MCOLN2: variants seen among roughly 807,000 people sequenced by gnomAD.
MCOLN2 encodes mucolipin-2.
MCOLN2 carries 57 observed loss-of-function variants against 67.5 expected under a neutral mutation model. That is an observed-to-expected ratio of 0.84 (90% CI 0.68 to 1.05). MCOLN2 has a LOEUF of 1.05. MCOLN2 is among the 50% of genes least tolerant of loss of function. The pLI, the probability that MCOLN2 is intolerant of heterozygous loss-of-function variation, is 0.00. For synonymous variants in MCOLN2, 246 were observed against 233.3 expected (o/e 1.05, Z -0.50); for missense variants, 620 against 678.8 (o/e 0.91, Z 0.96).
At chr1:84,934,760 G>A (rs915075181) in intron 11 of MCOLN2, among the ~76,000 whole-genome samples, 11 of 152,232 alleles carry the variant, frequency 7.2e-5, no homozygotes, top group Non-Finnish European at 1.3e-4. Flanking sequence ...AGGTCTGGAA[G>A]AACATCAACA....
chr1:84,989,690 A>G lies in MCOLN2; in HGVS notation c.77+7106T>C, dbSNP rs1371142. On this transcript the variant is annotated intron_variant, in intron 1 of 13. Transcript: ENST00000370608. ...GTAAAAATGACTGAAAGATCTTAAC[A>G]TAAAAATTTAAGACTTCAAAAAGTT... 8.5e-5 allele frequency among the ~76,000 whole-genome samples: 13 copies of G among 152,124 alleles called. No homozygotes were observed. The South Asian group carries it at 2.7e-3, about 32-fold the overall frequency.
At chr1:84,975,717 G>A (rs765537466) in intron 1 of MCOLN2, among the ~76,000 whole-genome samples, 8 of 152,110 alleles carry the variant, frequency 5.3e-5, no homozygotes, top group Non-Finnish European at 1.2e-4. Flanking sequence ...TGGAGAAACA[G>A]AGACAGGTGA....
chr1:84,982,311 T>TA (rs1413706345), intron 1 of MCOLN2, among the ~76,000 whole-genome samples: 3 of 152,062 alleles, frequency 2.0e-5, no homozygotes, highest in Non-Finnish European at 4.4e-5. Flanking sequence ...TTTTTTAAAA[T>TA]AAAAAAATAG....
intron 1 of MCOLN2, among the ~76,000 whole-genome samples, chr1:84,973,927 C>A (rs1312814619): frequency 1.3e-5 from 2 of 152,210 alleles, no homozygotes; most frequent in East Asian, 3.9e-4. Flanking sequence ...AGCACTGATA[C>A]CACCCTTCCC....
intron 1 of MCOLN2, among the ~76,000 whole-genome samples, chr1:84,982,378 C>T (rs973115062): frequency 1.3e-4 from 20 of 152,278 alleles, no homozygotes; most frequent in African/African-American, 4.3e-4. Context: ...CTCAAGCAAG[C>T]CTCCGGCCTT....
intron 12 of MCOLN2, chr1:84,929,909 G>C: frequency 3.2e-6 from 1 of 308,928 alleles, no homozygotes; most frequent in Non-Finnish European, 5.9e-6. Context: ...AGAAAGCAGA[G>C]AAGAGCCAGG....
intron 7 of MCOLN2, among the ~76,000 whole-genome samples, chr1:84,941,419 G>C (rs537354604): frequency 6.6e-6 from 1 of 152,142 alleles, no homozygotes; most frequent in African/African-American, 2.4e-5. Context: ...ATGGCATGAA[G>C]CCGGGAGGCA....
chr1:84,939,520 G>T, intron 9 of MCOLN2, 33 bp downstream of exon 9: 1 of 1,607,368 alleles, frequency 6.2e-7, no homozygotes, highest in Non-Finnish European at 8.5e-7. Flanking sequence ...AGGAGAAGAT[G>T]AAGAACAGAG....
intron 3 of MCOLN2, among the ~76,000 whole-genome samples, chr1:84,957,364 T>C (rs1356862660): frequency 6.6e-6 from 1 of 152,206 alleles, no homozygotes; most frequent in Non-Finnish European, 1.5e-5. Flanking sequence ...TCTGCACTAA[T>C]AGGGCTTTAC....
intron 1 of MCOLN2, among the ~76,000 whole-genome samples, chr1:84,980,129 C>T (rs1159938921): frequency 5.3e-5 from 8 of 151,994 alleles, no homozygotes; most frequent in Non-Finnish European, 1.0e-4. Flanking sequence ...TGAAAGATCT[C>T]TATAATGAAA....
At chr1:84,995,324 TA>T (rs1288655030) in intron 1 of MCOLN2, among the ~76,000 whole-genome samples, 2 of 152,176 alleles carry the variant, frequency 1.3e-5, no homozygotes, top group Non-Finnish European at 2.9e-5. Context: ...CTTCAATTTG[TA>T]AAATAAAATA....
chr1:84,938,677 G>GT (rs1439941155), intron 9 of MCOLN2, among the ~76,000 whole-genome samples: 1 of 152,206 alleles, frequency 6.6e-6, no homozygotes, highest in Non-Finnish European at 1.5e-5. Context: ...AGCACCACAG[G>GT]TAAGTGGACA....
At chr1:84,987,083 T>C (rs1650542906) in intron 1 of MCOLN2, among the ~76,000 whole-genome samples, 1 of 152,008 alleles carries the variant, frequency 6.6e-6, no homozygotes, top group South Asian at 2.1e-4. Flanking sequence ...CACGCATGTT[T>C]ATAGCAGCAC....
chr1:84,951,600 C>A (rs1242473558), intron 6 of MCOLN2, among the ~76,000 whole-genome samples: 1 of 152,178 alleles, frequency 6.6e-6, no homozygotes, highest in Non-Finnish European at 1.5e-5. Flanking sequence ...TCCTCTAAAG[C>A]TGGGAAGAAC....
At chr1:84,958,482 T>A (rs755822189) in intron 3 of MCOLN2, 47 bp downstream of exon 3, 2 of 1,461,322 alleles carry the variant, frequency 1.4e-6, no homozygotes, top group Non-Finnish European at 1.8e-6. Flanking sequence ...CAAGGCCAAG[T>A]ATCAATACAT....
At chr1:84,986,341 GAC>G (rs1650504445) in intron 1 of MCOLN2, among the ~76,000 whole-genome samples, 1 of 152,090 alleles carries the variant, frequency 6.6e-6, no homozygotes, top group African/African-American at 2.4e-5. Flanking sequence ...GGGAGTTCAA[GAC>G]CAGCCTGACC....
intron 1 of MCOLN2, among the ~76,000 whole-genome samples, chr1:84,991,210 AC>A (rs1434465425): frequency 6.6e-6 from 1 of 152,168 alleles, no homozygotes; most frequent in African/African-American, 2.4e-5. Context: ...TAGTTTGTGC[AC>A]GACTGGTTTG....
intron 7 of MCOLN2, among the ~76,000 whole-genome samples, chr1:84,946,580 G>C (rs1365843334): frequency 6.6e-6 from 1 of 152,162 alleles, no homozygotes; most frequent in Non-Finnish European, 1.5e-5. Flanking sequence ...AATCCAAAAT[G>C]CTCCAATAAG....
At chr1:84,947,394 G>T (rs556413346) in intron 6 of MCOLN2, among the ~76,000 whole-genome samples, 1 of 152,212 alleles carries the variant, frequency 6.6e-6, no homozygotes, top group South Asian at 2.1e-4. Context: ...ACACTGGAGA[G>T]CACCAGGGTA....
Sources: gnomAD v4.1 joint callset for allele counts (sites outside exome capture counted in the v4.1 genomes callset) on GRCh38, gnomAD v4.1.1 for gene constraint, MANE v1.5 for transcripts, NCBI Gene and HGNC (gene_info 2026-07-23, HGNC 2026-07-21) for gene names.